TFEC: variants seen among roughly 807,000 people sequenced by gnomAD.
The protein encoded by TFEC is transcription factor EC.
TFEC carries 31 observed loss-of-function variants against 41.6 expected under a neutral mutation model. That is an observed-to-expected ratio of 0.74 (90% CI 0.56 to 1.01). The LOEUF is 1.01. Among genes scored for constraint, TFEC ranks in the 50% least tolerant of loss-of-function variants. The probability of loss-of-function intolerance (pLI) is 0.00; values close to 1 mark genes in which losing one functional copy is unlikely to be tolerated. For synonymous variants in TFEC, 143 were observed against 140.6 expected (o/e 1.02, Z -0.12); for missense variants, 402 against 404.1 (o/e 0.99, Z 0.04).
intron 1 of TFEC, among the ~76,000 whole-genome samples, chr7:116,000,125 TG>T (rs1794530990): frequency 6.6e-6 from 1 of 152,024 alleles, no homozygotes; most frequent in African/African-American, 2.4e-5. Context: ...CATGACCAAA[TG>T]GGATTTATCC....
chr7:116,129,237 G>A (rs1023159456), intron 1 of TFEC, among the ~76,000 whole-genome samples: 1 of 152,126 alleles, frequency 6.6e-6, no homozygotes, highest in Non-Finnish European at 1.5e-5. Context: ...TATCTGGACA[G>A]GTTGTTGTGT....
intron 1 of TFEC, among the ~76,000 whole-genome samples, chr7:116,014,476 T>C (rs1041940302): frequency 1.3e-5 from 2 of 152,102 alleles, no homozygotes; most frequent in African/African-American, 4.8e-5. Flanking sequence ...AATTTGAGCT[T>C]ACAAACCAAC....
chr7:116,062,752 G>A (rs1006567938), intron 3 of TFEC, among the ~76,000 whole-genome samples: 1 of 151,778 alleles, frequency 6.6e-6, no homozygotes, highest in Non-Finnish European at 1.5e-5. Context: ...TGGGATTGCT[G>A]GATCAAATGA....
At chr7:115,953,028 C>T (rs1435421298) in intron 5 of TFEC, among the ~76,000 whole-genome samples, 5 of 152,038 alleles carry the variant, frequency 3.3e-5, no homozygotes, top group East Asian at 1.9e-4. Context: ...AACATGACAC[C>T]GATGTGCTCA....
At chr7:116,133,098 G>A (rs1798364862) in intron 1 of TFEC, among the ~76,000 whole-genome samples, 1 of 152,110 alleles carries the variant, frequency 6.6e-6, no homozygotes, top group African/African-American at 2.4e-5. Flanking sequence ...CGATTTTTAA[G>A]TTGCTTATAA....
At chr7:116,123,701 G>A (rs577135254) in intron 1 of TFEC, among the ~76,000 whole-genome samples, 121 of 152,062 alleles carry the variant, frequency 8.0e-4, no homozygotes, top group African/African-American at 2.9e-3. Flanking sequence ...ATCTATTTCT[G>A]AGTACTTTTA....
intron 1 of TFEC, among the ~76,000 whole-genome samples, chr7:115,994,300 G>A (rs970116778): frequency 5.3e-5 from 8 of 152,064 alleles, no homozygotes; most frequent in African/African-American, 1.9e-4. Flanking sequence ...GCATGGGCAA[G>A]GACTTCATGA....
chr7:116,062,599 A>ATATATC (rs1400618373), intron 3 of TFEC, among the ~76,000 whole-genome samples: 7 of 120,030 alleles, frequency 5.8e-5, no homozygotes, highest in East Asian at 2.2e-4. Flanking sequence ...ATATATATAT[A>ATATATC]TCACATTTTT....
At chr7:115,997,677 T>C (rs1794420590) in intron 1 of TFEC, among the ~76,000 whole-genome samples, 1 of 152,228 alleles carries the variant, frequency 6.6e-6, no homozygotes, top group South Asian at 2.1e-4. Context: ...TCAAACTAGA[T>C]GTTTTGAAGA....
At chr7:116,078,499 G>T (rs1366225074) in intron 3 of TFEC, among the ~76,000 whole-genome samples, 1 of 151,736 alleles carries the variant, frequency 6.6e-6, no homozygotes, top group Non-Finnish European at 1.5e-5. Context: ...TGAAACAGGA[G>T]ATATTACAAC....
chr7:116,050,591 A>C (rs1796285073), intron 3 of TFEC, among the ~76,000 whole-genome samples: 1 of 152,240 alleles, frequency 6.6e-6, no homozygotes, highest in African/African-American at 2.4e-5. Flanking sequence ...TCAAAACCAC[A>C]ATGAGATACC....
intron 3 of TFEC, among the ~76,000 whole-genome samples, chr7:116,038,767 T>C (rs1562946985): frequency 6.6e-6 from 1 of 152,054 alleles, no homozygotes; most frequent in African/African-American, 2.4e-5. Context: ...CATTCCTCTC[T>C]ATCAGGGTAG....
At chr7:116,058,699 C>G (rs1796484479) in intron 3 of TFEC, among the ~76,000 whole-genome samples, 1 of 151,646 alleles carries the variant, frequency 6.6e-6, no homozygotes, top group Non-Finnish European at 1.5e-5. Flanking sequence ...TACGTTCTCT[C>G]CATAGCATAA....
chr7:116,116,704 T>C (rs1562975344), intron 1 of TFEC, among the ~76,000 whole-genome samples: 1 of 151,858 alleles, frequency 6.6e-6, no homozygotes, highest in Non-Finnish European at 1.5e-5. Flanking sequence ...AATGAGCAAA[T>C]AAGAGCACAT....
intron 1 of TFEC, among the ~76,000 whole-genome samples, chr7:116,130,364 T>C (rs1584552754): frequency 1.3e-5 from 2 of 152,200 alleles, no homozygotes; most frequent in East Asian, 3.8e-4. Flanking sequence ...AGCAAACATG[T>C]AAGCAAATGG....
chr7:116,082,022 A>G (rs1797102652), intron 3 of TFEC, among the ~76,000 whole-genome samples: 1 of 151,984 alleles, frequency 6.6e-6, no homozygotes, highest in Non-Finnish European at 1.5e-5. Flanking sequence ...TATCTTTAGT[A>G]TGGTACTGAG....
intron 3 of TFEC, among the ~76,000 whole-genome samples, chr7:115,973,350 G>T (rs770643243): frequency 1.3e-5 from 2 of 151,858 alleles, no homozygotes; most frequent in Non-Finnish European, 2.9e-5. Context: ...ACTTATAGAT[G>T]AATAGTCCAC....
intron 3 of TFEC, among the ~76,000 whole-genome samples, chr7:116,066,371 T>C (rs1015807758): frequency 6.6e-6 from 1 of 152,132 alleles, no homozygotes; most frequent in Non-Finnish European, 1.5e-5. Flanking sequence ...TGTAAGTTCA[T>C]GTCTAAGAGA....
chr7:116,001,451 T>C, intron 1 of TFEC, among the ~76,000 whole-genome samples: 1 of 150,578 alleles, frequency 6.6e-6, no homozygotes, highest in Non-Finnish European at 1.5e-5. Context: ...GCCGAGATCA[T>C]GCCACTGCAC....
Sources: allele counts gnomAD v4.1 joint callset (sites outside exome capture counted in the v4.1 genomes callset), GRCh38; gene constraint gnomAD v4.1.1; transcripts MANE v1.5; gene names NCBI Gene and HGNC (gene_info 2026-07-23, HGNC 2026-07-21).